Variants in CCDC170 observed in about 807,000 individuals in gnomAD.
CCDC170 encodes the protein coiled-coil domain containing 170, also known as coiled-coil domain-containing protein 170.
CCDC170 carries 69 observed loss-of-function variants against 72.6 expected under a neutral mutation model. That is an observed-to-expected ratio of 0.95 (90% confidence interval 0.78 to 1.16). The LOEUF (loss-of-function observed/expected upper bound fraction) is 1.16. Ranked by LOEUF, CCDC170 falls within the 50% of genes most tolerant of loss-of-function variation. The pLI is 0.00. For synonymous variants in CCDC170, 300 were observed against 303.9 expected (o/e 0.99, Z 0.13); for missense variants, 852 against 832.5 (o/e 1.02, Z -0.29).
chr6:151,509,207 CATCTATCTATCTATGT>C (rs1202710449), intron 1 of CCDC170, among the ~76,000 whole-genome samples: 180 of 141,818 alleles, frequency 1.3e-3, no homozygotes, highest in African/African-American at 4.6e-3. Context: ...CTCTCTGTCT[CATCTATCTATCTATGT>C]ATCTATCTAT....
intron 5 of CCDC170, among the ~76,000 whole-genome samples, chr6:151,559,956 T>C (rs768883899): frequency 2.0e-5 from 3 of 152,184 alleles, no homozygotes; most frequent in Non-Finnish European, 4.4e-5. Context: ...TTAGTTCTGT[T>C]CTGATCTTAG....
intron 6 of CCDC170, among the ~76,000 whole-genome samples, chr6:151,583,149 C>T (rs7767860): frequency 0.025 from 3,800 of 151,748 alleles, 149 homozygotes; most frequent in African/African-American, 0.087. Context: ...CCTGCCACCA[C>T]GCCTGGCTAA....
At chr6:151,576,405 AT>A (rs60823161) in intron 6 of CCDC170, among the ~76,000 whole-genome samples, 523 of 141,910 alleles carry the variant, frequency 3.7e-3, no homozygotes, top group African/African-American at 4.8e-3. Flanking sequence ...TCAATAGCTA[AT>A]TTTTTTTTTT....
intron 1 of CCDC170, among the ~76,000 whole-genome samples, chr6:151,533,084 C>T (rs1441333656): frequency 6.8e-5 from 10 of 146,456 alleles, no homozygotes; most frequent in East Asian, 2.0e-4. Context: ...GATGGAGTCT[C>T]GCTCTGTCAC....
intron 1 of CCDC170, among the ~76,000 whole-genome samples, chr6:151,513,246 G>A (rs1205856598): frequency 1.3e-5 from 2 of 152,208 alleles, no homozygotes; most frequent in African/African-American, 4.8e-5. Flanking sequence ...TTGTAAAGTT[G>A]TAGTTACAGT....
chr6:151,561,578 T>C (rs1776030859), intron 5 of CCDC170, among the ~76,000 whole-genome samples: 1 of 152,148 alleles, frequency 6.6e-6, no homozygotes, highest in Non-Finnish European at 1.5e-5. Context: ...CTGAGAAGTC[T>C]ACTATTAATT....
intron 1 of CCDC170, among the ~76,000 whole-genome samples, chr6:151,529,120 T>C (rs1782454928): frequency 6.6e-6 from 1 of 152,134 alleles, no homozygotes; most frequent in African/African-American, 2.4e-5. Flanking sequence ...AATATATTTA[T>C]AGACAAAAAC....
chr6:151,514,380 GA>G (rs1295475939), intron 1 of CCDC170, among the ~76,000 whole-genome samples: 2 of 148,098 alleles, frequency 1.4e-5, no homozygotes, highest in African/African-American at 5.0e-5. Flanking sequence ...AGGGAGGAAG[GA>G]AGGAAGGAAG....
intron 6 of CCDC170, among the ~76,000 whole-genome samples, chr6:151,584,751 G>A (rs540586305): frequency 6.6e-6 from 1 of 152,216 alleles, no homozygotes; most frequent in African/African-American, 2.4e-5. Flanking sequence ...TATAGGCTCC[G>A]AGGGTAACTC....
chr6:151,503,728 CAAGGGTGAGCCACCG>C (rs1782026679), intron 1 of CCDC170, among the ~76,000 whole-genome samples: 1 of 152,128 alleles, frequency 6.6e-6, no homozygotes, highest in East Asian at 1.9e-4. Context: ...GCTGGGATTA[CAAGGGTGAGCCACCG>C]CGCCCAGCAA....
intron 8 of CCDC170, among the ~76,000 whole-genome samples, chr6:151,595,870 A>C (rs576065946): frequency 6.6e-6 from 1 of 152,196 alleles, no homozygotes; most frequent in South Asian, 2.1e-4. Context: ...CACGTGTTCC[A>C]GTTCTAAGGG....
intron 1 of CCDC170, among the ~76,000 whole-genome samples, chr6:151,527,834 T>A (rs573733334): frequency 6.6e-6 from 1 of 152,062 alleles, no homozygotes; most frequent in Non-Finnish European, 1.5e-5. Context: ...TGGGATAGAA[T>A]GATAAGAATG....
At chr6:151,579,868 A>C (rs1190945721) in intron 6 of CCDC170, among the ~76,000 whole-genome samples, 2 of 152,202 alleles carry the variant, frequency 1.3e-5, no homozygotes, top group Non-Finnish European at 2.9e-5. Context: ...TAAATTATCT[A>C]AATCAGCTCA....
At chr6:151,554,362 A>G (rs1366468792) in intron 5 of CCDC170, among the ~76,000 whole-genome samples, 1 of 152,242 alleles carries the variant, frequency 6.6e-6, no homozygotes, top group Non-Finnish European at 1.5e-5. Flanking sequence ...TGTTAGAGTC[A>G]GGCAGGCCTG....
chr6:151,566,622 AAC>A (rs1179825004), intron 5 of CCDC170, among the ~76,000 whole-genome samples: 1 of 152,188 alleles, frequency 6.6e-6, no homozygotes, highest in Non-Finnish European at 1.5e-5. Flanking sequence ...AATCAGAATA[AAC>A]ATGAGAGAAA....
At chr6:151,611,275 GAA>G (rs34476930) in intron 9 of CCDC170, among the ~76,000 whole-genome samples, 3 of 149,586 alleles carry the variant, frequency 2.0e-5, no homozygotes, top group Non-Finnish European at 3.0e-5. Context: ...AACCCCATCT[GAA>G]AAAAAAAAAG....
chr6:151,506,047 G>T (rs577832944), intron 1 of CCDC170, among the ~76,000 whole-genome samples: 4 of 152,110 alleles, frequency 2.6e-5, no homozygotes, highest in Non-Finnish European at 5.9e-5. Context: ...GCTGCAGTGA[G>T]CTATGATTTG....
intron 1 of CCDC170, among the ~76,000 whole-genome samples, chr6:151,501,047 A>T (rs1035401278): frequency 2.6e-5 from 4 of 152,206 alleles, no homozygotes; most frequent in Admixed American, 6.5e-5. Context: ...TCTATGAAAT[A>T]ATAAGCCAGA....
In CCDC170 at chr6:151,573,311, G is replaced by C; in HGVS notation, c.912G>C (p.Glu304Asp). ...EVSLLKKSSSELEKSLKASQD... is the reference protein window; with the variant it reads ...EVSLLKKSSSDLEKSLKASQD... ...GCCTCCTGAAGAAAAGCTCTTCTGA[G>C]TTGGAGAAGAGTTTGAAGGCCAGTC... The change falls in exon 6 of 11, where the codon GAG becomes GAC. Residue 304 changes from glutamate to aspartate, a missense_variant. By Grantham distance (45) the Glu-to-Asp change is conservative. Transcript: ENST00000239374. The C allele has an allele frequency of 6.2e-7, 1 of 1,614,220 alleles. No individual in the cohort carries two copies. Among genetic ancestry groups the C allele is most frequent in the East Asian group, 2.2e-5 (1 of 44,878 alleles).
Sources: allele counts gnomAD v4.1 joint callset (sites outside exome capture counted in the v4.1 genomes callset), GRCh38; gene constraint gnomAD v4.1.1; transcripts MANE v1.5; gene names NCBI Gene and HGNC (gene_info 2026-07-23, HGNC 2026-07-21).